The following COL4A2 variants were observed in gnomAD, a reference collection of about 807,000 sequenced individuals.
The protein encoded by COL4A2 is collagen type IV alpha 2 chain, also known as collagen alpha-2(IV) chain.
A neutral mutation model predicts 200.2 loss-of-function variants in COL4A2; 99 were observed. The ratio of observed to expected loss-of-function variants is 0.49; its 90% CI spans 0.42 to 0.58. COL4A2 has a LOEUF of 0.58. Among genes scored for constraint, COL4A2 ranks in the 20% least tolerant of loss-of-function variants. The pLI is 0.00. For missense variants in COL4A2, 1,950 were observed against 2,314.1 expected (o/e 0.84, Z 3.23); for synonymous variants, 897 against 900.6 (o/e 1.00, Z 0.07).
intron 3 of COL4A2, among the ~76,000 whole-genome samples, chr13:110,308,558 G>T (rs537443805): frequency 6.6e-6 from 1 of 152,300 alleles, no homozygotes; most frequent in South Asian, 2.1e-4. Context: ...TTTTTAAATG[G>T]GAGTCTCTGG....
chr13:110,394,159 A>T (rs1266149048), intron 4 of COL4A2, among the ~76,000 whole-genome samples: 3 of 152,208 alleles, frequency 2.0e-5, no homozygotes, highest in Non-Finnish European at 4.4e-5. Flanking sequence ...AACTCCCTTG[A>T]TAATTTGGCA....
At chr13:110,315,543 G>A (rs1437549558) in intron 3 of COL4A2, among the ~76,000 whole-genome samples, 1 of 152,102 alleles carries the variant, frequency 6.6e-6, no homozygotes, top group Non-Finnish European at 1.5e-5. Context: ...TTACAGGCAC[G>A]AGTCACCATT....
chr13:110,500,857 G>A (rs944245517), intron 40 of COL4A2, among the ~76,000 whole-genome samples: 9 of 152,200 alleles, frequency 5.9e-5, no homozygotes, highest in African/African-American at 2.2e-4. Flanking sequence ...TTCTCCATAA[G>A]GGACTTCACA....
rs1882646741 is a variant in COL4A2 at position 110,474,945 on chromosome 13, C to G, written c.2425+1795C>G. Among the ~76,000 whole-genome samples, 2 of 51,506 alleles carry G rather than the reference C, an allele frequency of 3.9e-5. 1 individual carries two copies. Among genetic ancestry groups the G allele is most frequent in the Non-Finnish European group, 9.3e-5 (2 of 21,614 alleles). The allele number at this position is 51,506 out of a possible 152,430, so 33.8% of individuals were successfully genotyped here. A position where few individuals can be genotyped will look rare whatever the true frequency, so the allele number is the denominator to read the frequency against. ...GCACATACCCACACACGTGCCTGTG[C>G]ACACACGATCACACACACGTACATA... is the stretch of plus-strand genomic sequence containing the variant. On this transcript the variant is annotated intron_variant, in intron 29 of 47. Transcript: ENST00000360467.
intron 4 of COL4A2, among the ~76,000 whole-genome samples, chr13:110,417,121 C>T (rs751601094): frequency 4.4e-4 from 67 of 152,286 alleles, no homozygotes; most frequent in Middle Eastern, 6.8e-3. Context: ...GCTGGGGCTA[C>T]AGGAGCCCAC....
chr13:110,456,969 C>T (rs749687677), intron 20 of COL4A2: 2 of 426,630 alleles, frequency 4.7e-6, no homozygotes, highest in East Asian at 7.7e-5. Context: ...CCCAGGCGTC[C>T]GTGGGGCTCA....
chr13:110,482,414 T>G, intron 31 of COL4A2, 102 bp from the exon 32 acceptor site: 1 of 1,276,332 alleles, frequency 7.8e-7, no homozygotes, highest in Non-Finnish European at 1.1e-6. Flanking sequence ...CAGAATCTTC[T>G]CACTTGAGTT....
At chr13:110,333,261 G>A (rs1321463883) in intron 3 of COL4A2, among the ~76,000 whole-genome samples, 1 of 152,202 alleles carries the variant, frequency 6.6e-6, no homozygotes, top group African/African-American at 2.4e-5. Flanking sequence ...AAGGACCACC[G>A]CTTACTCTTT....
Position 110,480,504 on chromosome 13 carries a change from T to C in COL4A2, c.2758+114T>C, listed in dbSNP as rs530909973. The C allele has an allele frequency of 5.6e-4, 641 of 1,140,142 alleles. 2 individuals are homozygous for C. The highest frequency in any genetic ancestry group is 6.0e-4 in the Non-Finnish European group (498 of 830,986). 70.6% of individuals were successfully genotyped at this position (1,140,142 alleles called of 1,614,324 possible). A position where few individuals can be genotyped will look rare whatever the true frequency, so the allele number is the denominator to read the frequency against. ...GTGGGCCGTGGGGCTGGCCTCACACTTCTGCAGATTGGAGGCCTTGGGACT... is the reference window on the plus strand; with the variant it reads ...GTGGGCCGTGGGGCTGGCCTCACACCTCTGCAGATTGGAGGCCTTGGGACT... On this transcript the variant is annotated intron_variant, in intron 31 of 47. Coordinates refer to ENST00000360467, the MANE Select transcript of COL4A2 (RefSeq NM_001846.4).
chr13:110,364,468 G>A (rs1031819984), intron 4 of COL4A2, among the ~76,000 whole-genome samples: 3 of 152,112 alleles, frequency 2.0e-5, no homozygotes, highest in Admixed American at 1.3e-4. Context: ...TGGAGGAGGG[G>A]CCAGAAATTC....
chr13:110,360,132 C>T (rs1350689914), intron 4 of COL4A2, among the ~76,000 whole-genome samples: 2 of 152,218 alleles, frequency 1.3e-5, no homozygotes, highest in Non-Finnish European at 2.9e-5. Context: ...CTCTCCACCC[C>T]GCAGCCCTTG....
At chr13:110,330,491 C>T (rs1875857212) in intron 3 of COL4A2, among the ~76,000 whole-genome samples, 1 of 152,160 alleles carries the variant, frequency 6.6e-6, no homozygotes, top group Non-Finnish European at 1.5e-5. Context: ...TATTGAAACT[C>T]CCCATCTGCC....
chr13:110,417,580 C>T (rs1191996052), intron 4 of COL4A2, among the ~76,000 whole-genome samples: 1 of 152,188 alleles, frequency 6.6e-6, no homozygotes, highest in Non-Finnish European at 1.5e-5. Flanking sequence ...GGAGAAGGTC[C>T]ATTACCCCAG....
intron 29 of COL4A2, chr13:110,473,620 T>G: frequency 6.5e-6 from 1 of 153,714 alleles, no homozygotes; most frequent in Non-Finnish European, 1.4e-5. Flanking sequence ...GTGTTATCAA[T>G]GTATCTCTAT....
At chr13:110,440,804 C>T (rs1881092957) in intron 16 of COL4A2, among the ~76,000 whole-genome samples, 2 of 152,238 alleles carry the variant, frequency 1.3e-5, no homozygotes, top group African/African-American at 4.8e-5. Flanking sequence ...CAGACACCAC[C>T]ACTGACAGCC....
At chr13:110,397,174 C>T (rs1336113234) in intron 4 of COL4A2, among the ~76,000 whole-genome samples, 1 of 152,202 alleles carries the variant, frequency 6.6e-6, no homozygotes, top group African/African-American at 2.4e-5. Flanking sequence ...TTTATCCGCC[C>T]CCATTGATAT....
At chr13:110,401,987 A>G (rs989539061) in intron 4 of COL4A2, among the ~76,000 whole-genome samples, 17 of 152,202 alleles carry the variant, frequency 1.1e-4, no homozygotes, top group African/African-American at 2.7e-4. Context: ...CCACCTCTCA[A>G]TACCAGCAGA....
intron 4 of COL4A2, among the ~76,000 whole-genome samples, chr13:110,379,063 G>A (rs921489444): frequency 6.6e-6 from 1 of 152,224 alleles, no homozygotes; most frequent in African/African-American, 2.4e-5. Flanking sequence ...CAGGCACGGA[G>A]AAGACTGCAC....
intron 3 of COL4A2, among the ~76,000 whole-genome samples, chr13:110,352,307 G>C (rs1699277669): frequency 6.6e-6 from 1 of 152,204 alleles, no homozygotes; most frequent in Admixed American, 6.5e-5. Flanking sequence ...AGTCCTCTCT[G>C]TGAACAGGAT....
Sources: gnomAD v4.1 joint callset for allele counts (sites outside exome capture counted in the v4.1 genomes callset) on GRCh38, gnomAD v4.1.1 for gene constraint, MANE v1.5 for transcripts, NCBI Gene and HGNC (gene_info 2026-07-23, HGNC 2026-07-21) for gene names.